The following PTPRD variants were observed in gnomAD, a reference collection of about 807,000 sequenced individuals.
PTPRD encodes protein tyrosine phosphatase receptor type D.
PTPRD carries 34 observed loss-of-function variants against 214.5 expected under a neutral mutation model. The ratio of observed to expected loss-of-function variants is 0.16; its 90% CI spans 0.12 to 0.21. The LOEUF is 0.21. Ranked by LOEUF, PTPRD falls within the 10% of genes least tolerant of loss-of-function variation. PTPRD has a pLI of 1.00. For missense variants in PTPRD, 2,545 were observed against 2,398.7 expected, an observed-to-expected ratio of 1.06 and a Z score of -1.27; for synonymous variants, 1,128 against 845.7, an observed-to-expected ratio of 1.33 and a Z score of -5.79.
intron 7 of PTPRD, among the ~76,000 whole-genome samples, chr9:9,622,953 A>G (rs1009853907): frequency 1.3e-5 from 2 of 152,140 alleles, no homozygotes; most frequent in Non-Finnish European, 2.9e-5. Flanking sequence ...TAGGTTACCT[A>G]TGCCTCCTTC....
intron 7 of PTPRD, among the ~76,000 whole-genome samples, chr9:9,631,625 C>A (rs569904973): frequency 2.0e-5 from 3 of 152,114 alleles, no homozygotes; most frequent in Non-Finnish European, 4.4e-5. Context: ...CCTCACCCAG[C>A]GCAGACACAA....
At chr9:8,700,648 T>C (rs766788993) in intron 12 of PTPRD, 5 of 152,198 alleles carry the variant, frequency 3.3e-5, no homozygotes, top group Non-Finnish European at 5.9e-5. Flanking sequence ...AATCTTTTCA[T>C]GGAGAGTAAT....
intron 9 of PTPRD, among the ~76,000 whole-genome samples, chr9:9,271,982 G>T: frequency 6.6e-6 from 1 of 151,214 alleles, no homozygotes; most frequent in Non-Finnish European, 1.5e-5. Flanking sequence ...TCTTTCATGA[G>T]GTTGTAGCAC....
intron 7 of PTPRD, among the ~76,000 whole-genome samples, chr9:9,575,903 T>C (rs78717156): frequency 6.6e-6 from 1 of 151,850 alleles, no homozygotes; most frequent in Non-Finnish European, 1.5e-5. Context: ...AGATACTATT[T>C]TATATGAACA....
Position 8,682,440 on chromosome 9 carries a change from G to A in PTPRD, c.65-45596C>T, listed in dbSNP as rs535101130. ...TATCCAAATTACACCAATATCACAC[G>A]TACCCCCAAAATATGTACTATGTCA... On this transcript the variant is annotated intron_variant, in intron 12 of 45. Transcript: ENST00000381196. 7.6e-4 allele frequency among the ~76,000 whole-genome samples: 109 copies of A among 143,500 alleles called. No individual in the cohort carries two copies. In the Middle Eastern group the frequency reaches 0.011, roughly 14 times the overall value. 94.1% of individuals were successfully genotyped at this position (143,500 alleles called of 152,430 possible). A position where few individuals can be genotyped will look rare whatever the true frequency, so the allele number is the denominator to read the frequency against.
At chr9:10,146,448 T>C (rs1046600969) in intron 3 of PTPRD, among the ~76,000 whole-genome samples, 3 of 152,078 alleles carry the variant, frequency 2.0e-5, no homozygotes, top group African/African-American at 7.2e-5. Context: ...TTTCAGATGA[T>C]GATATTTACA....
chr9:10,543,653 T>G (rs1258528688), intron 2 of PTPRD, among the ~76,000 whole-genome samples: 1 of 152,242 alleles, frequency 6.6e-6, no homozygotes, highest in Non-Finnish European at 1.5e-5. Flanking sequence ...ATGGGCTAGT[T>G]CCTTTGAAGT....
chr9:10,400,088 G>C (rs1587286074), intron 2 of PTPRD, among the ~76,000 whole-genome samples: 1 of 151,788 alleles, frequency 6.6e-6, no homozygotes, highest in Admixed American at 6.6e-5. Flanking sequence ...CGATATAGTG[G>C]TTAAGCATGT....
At chr9:9,884,198 G>A (rs553639668) in intron 5 of PTPRD, among the ~76,000 whole-genome samples, 1 of 152,164 alleles carries the variant, frequency 6.6e-6, no homozygotes, top group East Asian at 1.9e-4. Context: ...CATTGACTAT[G>A]GACTGTGTTC....
rs576001147 is a variant in PTPRD, at chr9:8,615,277, G to C, written c.352+18040C>G. 1.1e-4 allele frequency among the ~76,000 whole-genome samples: 16 copies of C among 152,166 alleles called. 1 individual carries two copies. The highest frequency in any genetic ancestry group is 9.2e-4 in the Admixed American group (14 of 15,268). On this transcript the variant is annotated intron_variant, in intron 14 of 45. Coordinates refer to ENST00000381196, the MANE Select transcript of PTPRD (RefSeq NM_002839.4). ...CACGGCTCAGAGAATATACCTCCAA[G>C]TCTGTTTGCTTGATGAGCATGCAAT...
At chr9:8,640,460 A>C (rs1302781501) in intron 12 of PTPRD, among the ~76,000 whole-genome samples, 2 of 152,076 alleles carry the variant, frequency 1.3e-5, no homozygotes, top group East Asian at 1.9e-4. Flanking sequence ...GAACTGTGGT[A>C]AACTTATTAA....
At chr9:9,401,287 C>G (rs7853891) in intron 8 of PTPRD, among the ~76,000 whole-genome samples, 4 of 151,910 alleles carry the variant, frequency 2.6e-5, no homozygotes, top group Admixed American at 1.3e-4. Context: ...CATACACATA[C>G]GCACACATAT....
intron 3 of PTPRD, among the ~76,000 whole-genome samples, chr9:10,110,101 C>T (rs577757028): frequency 6.6e-6 from 1 of 152,212 alleles, no homozygotes; most frequent in Admixed American, 6.5e-5. Flanking sequence ...GATTAAATTT[C>T]CTCATAATAG....
intron 4 of PTPRD, among the ~76,000 whole-genome samples, chr9:9,951,988 T>G (rs1342708067): frequency 6.6e-6 from 1 of 152,190 alleles, no homozygotes; most frequent in East Asian, 1.9e-4. Flanking sequence ...CCTTGAAGTC[T>G]GCACACAATT....
At chr9:8,785,239 G>C (rs975750019) in intron 11 of PTPRD, among the ~76,000 whole-genome samples, 1 of 152,006 alleles carries the variant, frequency 6.6e-6, no homozygotes, top group Non-Finnish European at 1.5e-5. Context: ...AAGAATAACA[G>C]GGGAAAAAAA....
At chr9:8,500,583 A>AAAAAAAAAAAAAAAAG (rs1563868169) in intron 24 of PTPRD, among the ~76,000 whole-genome samples, 171 bp downstream of exon 24, 21 of 146,314 alleles carry the variant, frequency 1.4e-4, no homozygotes, top group African/African-American at 3.6e-4. Context: ...AAAAAAAAAA[A>AAAAAAAAAAAAAAAAG]AAAAAAAGGC....
At chr9:8,632,340 G>C (rs1007596281) in intron 14 of PTPRD, among the ~76,000 whole-genome samples, 6 of 151,538 alleles carry the variant, frequency 4.0e-5, no homozygotes, top group Non-Finnish European at 7.4e-5. Context: ...TCCCTCCATG[G>C]GGGTAAAAAA....
intron 3 of PTPRD, among the ~76,000 whole-genome samples, chr9:10,225,162 A>C (rs1371956684): frequency 6.6e-6 from 1 of 152,024 alleles, no homozygotes; most frequent in African/African-American, 2.4e-5. Flanking sequence ...TATTTTTATT[A>C]TCAAAAGAGA....
chr9:9,927,938 T>C (rs1207499593), intron 5 of PTPRD, among the ~76,000 whole-genome samples: 3 of 152,014 alleles, frequency 2.0e-5, no homozygotes, highest in Non-Finnish European at 4.4e-5. Flanking sequence ...TTTTACTACA[T>C]ATTGTTTGGA....
Sources: allele counts gnomAD v4.1 joint callset (sites outside exome capture counted in the v4.1 genomes callset), GRCh38; gene constraint gnomAD v4.1.1; transcripts MANE v1.5; gene names NCBI Gene and HGNC (gene_info 2026-07-23, HGNC 2026-07-21).